POU6F2: variants seen among roughly 807,000 people sequenced by gnomAD.
The protein encoded by POU6F2 is POU class 6 homeobox 2, also known as POU domain, class 6, transcription factor 2.
POU6F2 carries 31 observed loss-of-function variants against 71.3 expected under a neutral mutation model. The ratio of observed to expected loss-of-function variants is 0.43; its 90% CI spans 0.33 to 0.59. The LOEUF (loss-of-function observed/expected upper bound fraction) is 0.59. Among genes scored for constraint, POU6F2 ranks in the 20% least tolerant of loss-of-function variants. The pLI is 0.04. For synonymous variants in POU6F2, 347 were observed against 355.7 expected (o/e 0.98, Z 0.27); for missense variants, 783 against 856.8 (o/e 0.91, Z 1.07).
chr7:39,036,434 A>G (rs1455320204), intron 1 of POU6F2, among the ~76,000 whole-genome samples: 1 of 152,190 alleles, frequency 6.6e-6, no homozygotes, highest in African/African-American at 2.4e-5. Flanking sequence ...TTTAATTATA[A>G]TTAATTGTCA....
chr7:39,102,342 A>G (rs1436413623), intron 2 of POU6F2, among the ~76,000 whole-genome samples: 1 of 151,710 alleles, frequency 6.6e-6, no homozygotes. Context: ...CTTTCCAACT[A>G]CTTTCTCATT....
chr7:39,374,030 T>C (rs1786662762), intron 5 of POU6F2, among the ~76,000 whole-genome samples: 1 of 152,220 alleles, frequency 6.6e-6, no homozygotes, highest in Non-Finnish European at 1.5e-5. Context: ...TTAAAGTCAG[T>C]CAAATGCTGA....
At chr7:38,981,373 T>A (rs1418206219) in intron 1 of POU6F2, among the ~76,000 whole-genome samples, 1 of 152,178 alleles carries the variant, frequency 6.6e-6, no homozygotes. Context: ...CGGGTCACTG[T>A]GTCCAATACT....
intron 4 of POU6F2, among the ~76,000 whole-genome samples, chr7:39,281,672 A>T (rs192581295): frequency 2.0e-5 from 3 of 152,294 alleles, no homozygotes; most frequent in African/African-American, 4.8e-5. Context: ...CATTGTGTGT[A>T]TATACCACAT....
intron 4 of POU6F2, among the ~76,000 whole-genome samples, chr7:39,212,747 G>C (rs1222076417): frequency 1.3e-5 from 2 of 152,238 alleles, no homozygotes; most frequent in African/African-American, 4.8e-5. Context: ...TCCTTGAAAA[G>C]TCAGTGTCTT....
chr7:39,412,957 C>G lies in POU6F2; in HGVS notation c.1113+6217C>G, dbSNP rs368279838. Among the ~76,000 whole-genome samples, 299 of 150,772 alleles carry G rather than the reference C, an allele frequency of 2.0e-3. 1 individual carries two copies. The highest frequency in any genetic ancestry group is 6.5e-3 in the African/African-American group (266 of 41,230). ...CTGGGACTACAGGTGCCTGCCACCA[C>G]GCCTGGCTAATTTTTTTTTGTATTT... is the stretch of plus-strand genomic sequence containing the variant. On this transcript the variant is annotated intron_variant, in intron 6 of 9. Transcript: ENST00000518318.
At chr7:39,100,325 G>A (rs1791542555) in intron 2 of POU6F2, among the ~76,000 whole-genome samples, 1 of 152,206 alleles carries the variant, frequency 6.6e-6, no homozygotes, top group African/African-American at 2.4e-5. Flanking sequence ...GACATTTGGA[G>A]CCATCATTGG....
At chr7:39,006,978 T>G in intron 1 of POU6F2, 1 of 1,106,928 alleles carries the variant, frequency 9.0e-7, no homozygotes, top group Non-Finnish European at 1.4e-6. Flanking sequence ...TTTCCTTGAG[T>G]CAAATGAGTG....
At chr7:39,222,923 A>G (rs932692478) in intron 4 of POU6F2, among the ~76,000 whole-genome samples, 1 of 152,226 alleles carries the variant, frequency 6.6e-6, no homozygotes, top group African/African-American at 2.4e-5. Context: ...GAGGAATGCT[A>G]GATCATACGG....
chr7:39,238,730 AGTT>A (rs1794721750), intron 4 of POU6F2, among the ~76,000 whole-genome samples: 2 of 152,178 alleles, frequency 1.3e-5, no homozygotes, highest in South Asian at 4.1e-4. Context: ...AGATACTGAC[AGTT>A]GTTGGCAGCA....
chr7:39,148,569 G>GTGATGATGATGATGATAATGATGATAA (rs1792671599), intron 2 of POU6F2, among the ~76,000 whole-genome samples: 1 of 151,954 alleles, frequency 6.6e-6, no homozygotes, highest in Admixed American at 6.6e-5. Context: ...GATAATGATG[G>GTGATGATGATGATGATAATGATGATAA]TGATGATGAT....
chr7:39,396,129 A>C (rs1787169915), intron 5 of POU6F2, among the ~76,000 whole-genome samples: 1 of 152,228 alleles, frequency 6.6e-6, no homozygotes, highest in Admixed American at 6.5e-5. Flanking sequence ...TGAGATGTGT[A>C]GGCTTGTAGT....
At chr7:39,270,475 A>C (rs1003204646) in intron 4 of POU6F2, among the ~76,000 whole-genome samples, 5 of 152,328 alleles carry the variant, frequency 3.3e-5, no homozygotes, top group Non-Finnish European at 7.4e-5. Flanking sequence ...ATATTGCCTC[A>C]AGGAAATGGA....
chr7:39,378,974 G>T (rs547225629), intron 5 of POU6F2, among the ~76,000 whole-genome samples: 73 of 152,292 alleles, frequency 4.8e-4, no homozygotes, highest in African/African-American at 1.6e-3. Context: ...GATGCTAGAG[G>T]TGGATCAAGA....
chr7:39,165,188 C>T (rs1793086977), intron 2 of POU6F2, among the ~76,000 whole-genome samples: 1 of 152,152 alleles, frequency 6.6e-6, no homozygotes, highest in African/African-American at 2.4e-5. Context: ...AAGGCAACTA[C>T]ACTCCCCCCA....
At chr7:39,229,700 T>G (rs1794538382) in intron 4 of POU6F2, among the ~76,000 whole-genome samples, 1 of 152,226 alleles carries the variant, frequency 6.6e-6, no homozygotes, top group South Asian at 2.1e-4. Flanking sequence ...ACACAAAAGA[T>G]TCCATTCACA....
chr7:39,157,635 G>A (rs747458526), intron 2 of POU6F2, among the ~76,000 whole-genome samples: 22 of 152,162 alleles, frequency 1.4e-4, no homozygotes, highest in Non-Finnish European at 2.4e-4. Context: ...AAATAAAACC[G>A]TATTAAGGTT....
At chr7:39,329,593 G>A (rs1562792236) in intron 4 of POU6F2, among the ~76,000 whole-genome samples, 1 of 152,206 alleles carries the variant, frequency 6.6e-6, no homozygotes, top group Non-Finnish European at 1.5e-5. Flanking sequence ...ATTCACTGGT[G>A]TTGGGAGAAG....
chr7:39,044,077 G>C (rs117553224), intron 1 of POU6F2, among the ~76,000 whole-genome samples: 1 of 151,894 alleles, frequency 6.6e-6, no homozygotes, highest in African/African-American at 2.4e-5. Context: ...TCTCCTGGGC[G>C]TAGGGACTTA....
Sources: allele counts gnomAD v4.1 joint callset (sites outside exome capture counted in the v4.1 genomes callset), GRCh38; gene constraint gnomAD v4.1.1; transcripts MANE v1.5; gene names NCBI Gene and HGNC (gene_info 2026-07-23, HGNC 2026-07-21).